PRELID2: variants seen among roughly 807,000 people sequenced by gnomAD.
PRELID2 encodes the protein PRELI domain containing 2.
In PRELID2, 25 loss-of-function variants were observed where a neutral mutation model predicts 28.4. The observed-to-expected ratio is 0.88, with a 90% CI of 0.64 to 1.23. The LOEUF (loss-of-function observed/expected upper bound fraction) is 1.23, where lower values mean the gene tolerates loss of function less well. PRELID2 is among the 50% of genes most tolerant of loss of function. The pLI is 0.00. For synonymous variants in PRELID2, 76 were observed against 71.6 expected (o/e 1.06, Z -0.31); for missense variants, 201 against 214.4 (o/e 0.94, Z 0.39).
chr5:145,394,914 T>C, the PRELID2 span, among the ~76,000 whole-genome samples: 1 of 152,114 alleles, frequency 6.6e-6, no homozygotes, highest in Non-Finnish European at 1.5e-5. Flanking sequence ...ACACTTAATC[T>C]CTTAGGGCCT....
At chr5:145,754,778 G>C (rs1757213498), downstream of PRELID2, among the ~76,000 whole-genome samples, 1 of 152,196 alleles carries the variant, frequency 6.6e-6, no homozygotes, top group African/African-American at 2.4e-5. Flanking sequence ...GAAGGGACCA[G>C]ATGATGCTGA....
chr5:145,687,646 T>C (rs1214695056), intron 1 of PRELID2, among the ~76,000 whole-genome samples: 10 of 152,196 alleles, frequency 6.6e-5, no homozygotes, highest in Admixed American at 6.5e-4. Context: ...CATGACAGCA[T>C]GGACATTTTC....
At chr5:145,627,883 T>C (rs1037462914) in intron 1 of PRELID2, among the ~76,000 whole-genome samples, 2 of 152,186 alleles carry the variant, frequency 1.3e-5, no homozygotes, top group African/African-American at 4.8e-5. Context: ...AAGCAGGGCC[T>C]TGGTAATTAC....
the PRELID2 span, among the ~76,000 whole-genome samples, chr5:145,306,193 T>A: frequency 6.6e-6 from 1 of 152,188 alleles, no homozygotes; most frequent in Non-Finnish European, 1.5e-5. Context: ...TTGAAGGACA[T>A]TTTACAGTAT....
At chr5:145,589,429 T>TTCCCAAAAAGTAAAG (rs1753197172) in intron 1 of PRELID2, among the ~76,000 whole-genome samples, 1 of 152,154 alleles carries the variant, frequency 6.6e-6, no homozygotes, top group African/African-American at 2.4e-5. Context: ...TATCTGAACA[T>TTCCCAAAAAGTAAAG]GTCCATACCA....
chr5:145,600,457 A>ATC (rs1466517712), intron 1 of PRELID2, among the ~76,000 whole-genome samples: 1 of 146,788 alleles, frequency 6.8e-6, no homozygotes, highest in Non-Finnish European at 1.5e-5. Flanking sequence ...ATATATATGT[A>ATC]TCTCACAGGT....
At chr5:145,505,642 C>G (rs1752404656) in intron 1 of PRELID2, among the ~76,000 whole-genome samples, 1 of 152,192 alleles carries the variant, frequency 6.6e-6, no homozygotes, top group Non-Finnish European at 1.5e-5. Flanking sequence ...AGCAATACCA[C>G]TCCTAGATGT....
chr5:145,726,018 A>G (rs1378466169), intron 1 of PRELID2, among the ~76,000 whole-genome samples: 1 of 152,018 alleles, frequency 6.6e-6, no homozygotes, highest in East Asian at 1.9e-4. Context: ...CCCTGTGTCT[A>G]CAAAAAAAAT....
At chr5:145,239,093 A>G in the PRELID2 span, among the ~76,000 whole-genome samples, 5 of 152,110 alleles carry the variant, frequency 3.3e-5, no homozygotes, top group African/African-American at 1.2e-4. Context: ...TCTCAGTAAG[A>G]GTATGAGCTC....
chr5:145,679,315 G>A (rs1436124145), intron 1 of PRELID2, among the ~76,000 whole-genome samples: 1 of 152,178 alleles, frequency 6.6e-6, no homozygotes, highest in Non-Finnish European at 1.5e-5. Flanking sequence ...TTGTCATGTA[G>A]GAATCTGGAA....
chr5:145,241,502 T>C, the PRELID2 span, among the ~76,000 whole-genome samples: 2 of 152,100 alleles, frequency 1.3e-5, no homozygotes, highest in Admixed American at 6.6e-5. Flanking sequence ...TCAGCCTTTC[T>C]TGACTAATAG....
intron 1 of PRELID2, among the ~76,000 whole-genome samples, chr5:145,516,642 A>C (rs1296759073): frequency 1.3e-5 from 2 of 152,184 alleles, no homozygotes; most frequent in African/African-American, 4.8e-5. Context: ...AACTACTTTA[A>C]ATTTCATATG....
intron 1 of PRELID2, among the ~76,000 whole-genome samples, chr5:145,713,662 ATAGTGTGTG>A (rs1755765486): frequency 1.0e-5 from 1 of 96,916 alleles, no homozygotes; most frequent in Non-Finnish European, 2.0e-5. Context: ...TAAAGTATAT[ATAGTGTGTG>A]TATATATATA....
chr5:145,592,648 G>T (rs10062780), intron 1 of PRELID2, among the ~76,000 whole-genome samples: 27,377 of 152,008 alleles, frequency 0.18, 4,164 homozygotes, highest in African/African-American at 0.41. Flanking sequence ...TAAAATTTTT[G>T]GAATTGATTC....
chr5:145,643,676 A>C (rs1278160415), intron 1 of PRELID2, among the ~76,000 whole-genome samples: 10 of 152,128 alleles, frequency 6.6e-5, no homozygotes, highest in Non-Finnish European at 1.5e-4. Flanking sequence ...TATTGTTTTG[A>C]GATATGTTCC....
intron 1 of PRELID2, among the ~76,000 whole-genome samples, chr5:145,605,164 C>A (rs1165752621): frequency 6.6e-6 from 1 of 151,728 alleles, no homozygotes; most frequent in Non-Finnish European, 1.5e-5. Context: ...TGTGCAGAAG[C>A]CCTTTCATTT....
intron 1 of PRELID2, among the ~76,000 whole-genome samples, chr5:145,563,148 G>A (rs2126695098): frequency 6.6e-6 from 1 of 152,330 alleles, no homozygotes; most frequent in Non-Finnish European, 1.5e-5. Flanking sequence ...CACAGCCATG[G>A]TCATGTGCCT....
At chr5:145,460,503 T>A in the PRELID2 span, among the ~76,000 whole-genome samples, 1 of 152,214 alleles carries the variant, frequency 6.6e-6, no homozygotes, top group African/African-American at 2.4e-5. Context: ...CCTAACATAC[T>A]CTACCCTGGC....
At chr5:145,744,293 C>A (rs557165651) in intron 1 of PRELID2, among the ~76,000 whole-genome samples, 1 of 152,234 alleles carries the variant, frequency 6.6e-6, no homozygotes, top group African/African-American at 2.4e-5. Context: ...TCTGAGGAAT[C>A]TGGGCAGACC....
Sources: allele counts gnomAD v4.1 joint callset (sites outside exome capture counted in the v4.1 genomes callset), GRCh38; gene constraint gnomAD v4.1.1; transcripts MANE v1.5; gene names NCBI Gene and HGNC (gene_info 2026-07-23, HGNC 2026-07-21).